IL1RAPL2: variants seen among roughly 807,000 people sequenced by gnomAD.
IL1RAPL2 encodes X-linked interleukin-1 receptor accessory protein-like 2.
Under a neutral mutation model 44.1 loss-of-function variants are expected in IL1RAPL2, and 3 were observed. The observed-to-expected ratio is 0.07, with a 90% CI of 0.03 to 0.18. The LOEUF (loss-of-function observed/expected upper bound fraction) is 0.18. Ranked by LOEUF, IL1RAPL2 falls within the 10% of genes least tolerant of loss-of-function variation. The pLI is 1.00. For missense variants in IL1RAPL2, 391 were observed against 496.4 expected (o/e 0.79, Z 2.02); for synonymous variants, 181 against 178.8 (o/e 1.01, Z -0.10).
At chrX:105,261,222 A>G (rs2034356832) in intron 4 of IL1RAPL2, among the ~76,000 whole-genome samples, 1 of 112,036 alleles carries the variant, frequency 8.9e-6, no homozygotes, top group Non-Finnish European at 1.9e-5. Flanking sequence ...TTCTCTGCAC[A>G]GGGGAGGTTC....
chrX:104,713,998 A>C (rs1422136408), intron 2 of IL1RAPL2, among the ~76,000 whole-genome samples: 1 of 111,238 alleles, frequency 9.0e-6, no homozygotes, highest in Non-Finnish European at 1.9e-5. Flanking sequence ...TTAGTGAATG[A>C]GTCTGCTTAA....
intron 5 of IL1RAPL2, among the ~76,000 whole-genome samples, chrX:105,416,237 T>C (rs147065251): frequency 4.3e-4 from 48 of 112,157 alleles, no homozygotes; most frequent in African/African-American, 1.5e-3. Context: ...TATTACGTGA[T>C]TCCTGTATAT....
chrX:105,041,807 C>T (rs1301050685), intron 2 of IL1RAPL2, among the ~76,000 whole-genome samples: 10 of 109,989 alleles, frequency 9.1e-5, no homozygotes, highest in Non-Finnish European at 9.5e-5. Context: ...GGAGGCATCA[C>T]GCTACCTGAC....
intron 6 of IL1RAPL2, among the ~76,000 whole-genome samples, chrX:105,626,140 C>G (rs1218858875): frequency 9.0e-6 from 1 of 111,449 alleles, no homozygotes; most frequent in African/African-American, 3.3e-5. Flanking sequence ...ATAGGAGGAA[C>G]CTGACATAAG....
chrX:104,598,441 T>C (rs1034653335), intron 1 of IL1RAPL2, among the ~76,000 whole-genome samples: 8 of 112,256 alleles, frequency 7.1e-5, no homozygotes, highest in South Asian at 3.7e-4. Context: ...CTTTTAGGTT[T>C]TGGGGCCTAG....
intron 2 of IL1RAPL2, among the ~76,000 whole-genome samples, chrX:104,866,781 T>C (rs757206555): frequency 1.3e-3 from 145 of 111,731 alleles, no homozygotes; most frequent in African/African-American, 4.5e-3. Flanking sequence ...ATAGCAAGCA[T>C]TGTTAGGGTT....
chrX:105,442,476 G>A (rs192891391), intron 5 of IL1RAPL2, among the ~76,000 whole-genome samples: 14 of 111,827 alleles, frequency 1.3e-4, no homozygotes, highest in African/African-American at 4.2e-4. Context: ...CTTCAATACT[G>A]CTCTCTGTCA....
chrX:104,666,973 G>T (rs916094421), intron 2 of IL1RAPL2, among the ~76,000 whole-genome samples: 1 of 111,630 alleles, frequency 9.0e-6, no homozygotes, highest in Non-Finnish European at 1.9e-5. Context: ...TCATAGAGAA[G>T]CATGATATTT....
At chrX:105,620,002 C>T (rs2037408291) in intron 6 of IL1RAPL2, among the ~76,000 whole-genome samples, 1 of 110,050 alleles carries the variant, frequency 9.1e-6, no homozygotes, top group African/African-American at 3.3e-5. Flanking sequence ...AGATCATGTC[C>T]CTAGAATATG....
intron 6 of IL1RAPL2, among the ~76,000 whole-genome samples, chrX:105,678,875 T>C (rs1286029803): frequency 9.0e-6 from 1 of 111,161 alleles, no homozygotes; most frequent in Non-Finnish European, 1.9e-5. Flanking sequence ...CTAAAACATA[T>C]TATAATTTTC....
intron 2 of IL1RAPL2, among the ~76,000 whole-genome samples, chrX:104,867,488 T>C (rs1922651107): frequency 9.0e-6 from 1 of 111,689 alleles, no homozygotes; most frequent in Admixed American, 9.5e-5. Flanking sequence ...ACCATGCTTA[T>C]TGAGCCATAC....
intron 6 of IL1RAPL2, among the ~76,000 whole-genome samples, chrX:105,515,928 G>A (rs1301154459): frequency 9.0e-6 from 1 of 111,559 alleles, no homozygotes; most frequent in Admixed American, 9.6e-5. Context: ...CTTGTGACTT[G>A]CTTCAATATG....
chrX:105,263,123 G>A (rs1393515324), intron 4 of IL1RAPL2, among the ~76,000 whole-genome samples: 1 of 110,525 alleles, frequency 9.0e-6, no homozygotes, highest in Non-Finnish European at 1.9e-5. Flanking sequence ...GACCTCATGT[G>A]ATCCACCCGC....
chrX:104,653,562 T>C (rs749856131), intron 1 of IL1RAPL2, among the ~76,000 whole-genome samples: 30 of 111,266 alleles, frequency 2.7e-4, no homozygotes, highest in Admixed American at 4.8e-4. Flanking sequence ...CCTTTGTTTA[T>C]TGATGGAGTT....
intron 6 of IL1RAPL2, among the ~76,000 whole-genome samples, chrX:105,516,539 G>A (rs1200722999): frequency 8.9e-6 from 1 of 111,764 alleles, no homozygotes; most frequent in Non-Finnish European, 1.9e-5. Context: ...TGGTTTGGTT[G>A]ACCTTTTCAG....
intron 1 of IL1RAPL2, among the ~76,000 whole-genome samples, chrX:104,573,381 C>A (rs1242958477): frequency 1.8e-5 from 2 of 112,183 alleles, no homozygotes; most frequent in East Asian, 2.8e-4. Context: ...TCAGTGAATA[C>A]CATATTGGAA....
chrX:105,344,184 C>T (rs1024780005), intron 5 of IL1RAPL2, among the ~76,000 whole-genome samples: 3 of 112,230 alleles, frequency 2.7e-5, no homozygotes, highest in East Asian at 2.8e-4. Context: ...TGTGAGCCAC[C>T]GCTCCTGGCC....
chrX:104,722,379 G>C (rs1931697458), intron 2 of IL1RAPL2, among the ~76,000 whole-genome samples: 2 of 111,574 alleles, frequency 1.8e-5, no homozygotes, highest in Non-Finnish European at 3.8e-5. Flanking sequence ...TTTAGCTCAT[G>C]GGTCATATAT....
chrX:105,542,688 A>T (rs55678207), intron 6 of IL1RAPL2, among the ~76,000 whole-genome samples: 5 of 84,833 alleles, frequency 5.9e-5, no homozygotes, highest in Non-Finnish European at 8.9e-5. Flanking sequence ...TATTTTTTAT[A>T]TTTTTTATTT....
Sources: allele counts gnomAD v4.1 joint callset (sites outside exome capture counted in the v4.1 genomes callset), GRCh38; gene constraint gnomAD v4.1.1; transcripts MANE v1.5; gene names NCBI Gene and HGNC (gene_info 2026-07-23, HGNC 2026-07-21).